Variants in APBA2 observed in about 807,000 individuals in gnomAD.
APBA2 encodes amyloid beta precursor protein binding family A member 2.
A neutral mutation model predicts 75.0 loss-of-function variants in APBA2; 30 were observed. The ratio of observed to expected loss-of-function variants is 0.40; its 90% confidence interval spans 0.30 to 0.54. APBA2 has a LOEUF of 0.54. Among genes scored for constraint, APBA2 ranks in the 20% least tolerant of loss-of-function variants. APBA2 has a pLI of 0.49. For missense variants in APBA2, 801 were observed against 1,016.1 expected (o/e 0.79, Z 2.88); for synonymous variants, 444 against 409.6 (o/e 1.08, Z -1.01).
intron 3 of APBA2, among the ~76,000 whole-genome samples, chr15:29,027,474 T>G (rs560704908): frequency 1.3e-5 from 2 of 152,296 alleles, no homozygotes; most frequent in African/African-American, 4.8e-5. Context: ...TCTGTAATTA[T>G]GGGCTTTTCA....
intron 6 of APBA2, among the ~76,000 whole-genome samples, chr15:29,084,529 T>C (rs1011427388): frequency 6.6e-6 from 1 of 152,232 alleles, no homozygotes; most frequent in African/African-American, 2.4e-5. Context: ...TTTCATATTG[T>C]ATCTCTAAAA....
chr15:29,058,924 C>T (rs892537736), intron 4 of APBA2, among the ~76,000 whole-genome samples: 1 of 152,250 alleles, frequency 6.6e-6, no homozygotes, highest in South Asian at 2.1e-4. Flanking sequence ...TTTCCCAAAA[C>T]ACGCTCTTAG....
chr15:28,926,045 A>T (rs2034243135), intron 2 of APBA2, among the ~76,000 whole-genome samples: 1 of 152,028 alleles, frequency 6.6e-6, no homozygotes, highest in Admixed American at 6.5e-5. Flanking sequence ...CTATCCCTTT[A>T]CTTTTAACCT....
At chr15:28,965,620 T>TA (rs2036700055) in intron 2 of APBA2, among the ~76,000 whole-genome samples, 1 of 152,242 alleles carries the variant, frequency 6.6e-6, no homozygotes, top group Non-Finnish European at 1.5e-5. Flanking sequence ...TCTTCAGTAT[T>TA]TAGGTCTTTG....
intron 3 of APBA2, among the ~76,000 whole-genome samples, chr15:29,031,997 G>A (rs1329737542): frequency 6.6e-6 from 1 of 152,248 alleles, no homozygotes; most frequent in African/African-American, 2.4e-5. Context: ...GGCCAGGGGT[G>A]AGAGTTAATG....
intron 13 of APBA2, among the ~76,000 whole-genome samples, chr15:29,112,889 C>T (rs1048948811): frequency 6.6e-6 from 1 of 152,106 alleles, no homozygotes; most frequent in African/African-American, 2.4e-5. Flanking sequence ...GGCGGCCCCC[C>T]ACTTCTACTT....
chr15:29,056,806 G>A (rs1041342438), intron 4 of APBA2, among the ~76,000 whole-genome samples: 1 of 151,810 alleles, frequency 6.6e-6, no homozygotes, highest in Non-Finnish European at 1.5e-5. Flanking sequence ...CCCGCTGCAC[G>A]TGGGCAGGGT....
intron 2 of APBA2, among the ~76,000 whole-genome samples, chr15:28,941,386 A>C (rs1026465943): frequency 6.6e-6 from 1 of 151,910 alleles, no homozygotes. Flanking sequence ...ACTGATTTGC[A>C]GGAACGGAAA....
intron 4 of APBA2, among the ~76,000 whole-genome samples, chr15:29,065,229 GAC>G (rs2042328999): frequency 6.6e-6 from 1 of 152,116 alleles, no homozygotes; most frequent in African/African-American, 2.4e-5. Context: ...AGGCTTGAGA[GAC>G]ACCCAGTTGG....
chr15:29,053,170 C>T (rs747721598), intron 3 of APBA2, among the ~76,000 whole-genome samples: 93 of 152,310 alleles, frequency 6.1e-4, no homozygotes, highest in Middle Eastern at 3.4e-3. Flanking sequence ...CTGCAGGCTG[C>T]GGCTGCACCC....
At chr15:28,956,905 C>T (rs2152731226) in intron 2 of APBA2, among the ~76,000 whole-genome samples, 1 of 152,272 alleles carries the variant, frequency 6.6e-6, no homozygotes, top group South Asian at 2.1e-4. Flanking sequence ...GTCACAGTCT[C>T]CTTGTCTGTT....
intron 9 of APBA2, 132 bp from the exon 10 acceptor site, chr15:29,101,467 G>A: frequency 3.3e-6 from 3 of 904,416 alleles, no homozygotes; most frequent in South Asian, 2.8e-5. Context: ...CCTGACCTCA[G>A]GTGATCTGCC....
intron 9 of APBA2, 50 bp downstream of exon 9, chr15:29,098,626 C>T: frequency 6.9e-7 from 1 of 1,452,090 alleles, no homozygotes; most frequent in African/African-American, 1.4e-5. Flanking sequence ...CTAAGTTCGA[C>T]TCCTTCTTGT....
chr15:29,061,229 C>T (rs1185718960), intron 4 of APBA2, among the ~76,000 whole-genome samples: 6 of 152,176 alleles, frequency 3.9e-5, no homozygotes, highest in African/African-American at 1.4e-4. Context: ...CCCCATCCCA[C>T]CTGTTACCTT....
intron 2 of APBA2, among the ~76,000 whole-genome samples, chr15:28,946,755 T>C (rs959110772): frequency 2.0e-5 from 3 of 152,196 alleles, no homozygotes; most frequent in African/African-American, 7.2e-5. Flanking sequence ...TTTTTGCATT[T>C]TTTTGTAAAG....
intron 3 of APBA2, among the ~76,000 whole-genome samples, chr15:29,049,722 G>C (rs1253561027): frequency 2.0e-5 from 3 of 152,182 alleles, no homozygotes; most frequent in Non-Finnish European, 4.4e-5. Flanking sequence ...GACATGCACT[G>C]GTGTCTCAGG....
At chr15:29,095,399 C>T (rs1051903496) in intron 8 of APBA2, among the ~76,000 whole-genome samples, 2 of 151,418 alleles carry the variant, frequency 1.3e-5, no homozygotes, top group African/African-American at 4.8e-5. Context: ...CATTGCACTC[C>T]AGCCTGGGCA....
chr15:29,082,026 A>G (rs1321866045), intron 6 of APBA2, among the ~76,000 whole-genome samples: 2 of 152,208 alleles, frequency 1.3e-5, no homozygotes, highest in Non-Finnish European at 2.9e-5. Flanking sequence ...TGAGGTTCCC[A>G]CACTGTTACC....
chr15:29,086,606 A>T (rs2043303546), intron 6 of APBA2, among the ~76,000 whole-genome samples: 1 of 152,212 alleles, frequency 6.6e-6, no homozygotes, highest in South Asian at 2.1e-4. Context: ...GCAGTCTCAG[A>T]ATAACAATAC....
Sources: allele counts gnomAD v4.1 joint callset (sites outside exome capture counted in the v4.1 genomes callset), GRCh38; gene constraint gnomAD v4.1.1; transcripts MANE v1.5; gene names NCBI Gene and HGNC (gene_info 2026-07-23, HGNC 2026-07-21).